The following CHD9 variants were observed in gnomAD, a reference collection of about 807,000 sequenced individuals.
The protein encoded by CHD9 is ATP-dependent chromatin remodeler CHD9.
CHD9 carries 77 observed loss-of-function variants against 316.1 expected under a neutral mutation model. The observed-to-expected ratio is 0.24, with a 90% CI of 0.20 to 0.29. CHD9 has a LOEUF of 0.29. Ranked by LOEUF, CHD9 falls within the 10% of genes least tolerant of loss-of-function variation. CHD9 has a pLI of 1.00. For missense variants in CHD9, 2,763 were observed against 3,438.1 expected (o/e 0.80, Z 4.91); for synonymous variants, 1,129 against 1,158.3 (o/e 0.97, Z 0.51).
chr16:53,225,458 A>T (rs976702503), intron 4 of CHD9, among the ~76,000 whole-genome samples: 1 of 152,214 alleles, frequency 6.6e-6, no homozygotes, highest in Non-Finnish European at 1.5e-5. Flanking sequence ...TATTGTAAAC[A>T]CCAAAAGAGA....
In CHD9 at chr16:53,286,742, C is replaced by G. The variant is rs1171512548; in HGVS notation, c.5189+399C>G. Among the ~76,000 whole-genome samples, 6 of 152,030 alleles carry G rather than the reference C, an allele frequency of 3.9e-5. No homozygotes were observed. The East Asian group carries it at 1.2e-3, about 29-fold the overall frequency. Reference sequence around the variant, plus strand: ...TGGTATTCAGGACACCCTGCAGATACCAAAATCCAAGGATGCTCTAGTCCT... The same window carrying G: ...TGGTATTCAGGACACCCTGCAGATAGCAAAATCCAAGGATGCTCTAGTCCT... On this transcript the variant is annotated intron_variant, in intron 26 of 38. Coordinates refer to ENST00000447540, the MANE Select transcript of CHD9 (RefSeq NM_001308319.2).
intron 29 of CHD9, among the ~76,000 whole-genome samples, chr16:53,294,726 C>T (rs1451872112): frequency 4.6e-5 from 7 of 152,164 alleles, no homozygotes; most frequent in African/African-American, 1.7e-4. Context: ...ACAAGGCCAG[C>T]CCAGATTTAG....
chr16:53,198,266 C>T (rs994170826), intron 2 of CHD9, among the ~76,000 whole-genome samples: 1 of 151,506 alleles, frequency 6.6e-6, no homozygotes, highest in Admixed American at 6.6e-5. Flanking sequence ...AGAGACTACA[C>T]GTCCATTGTT....
rs368216016 is a variant in CHD9, at chr16:53,324,505, C to T, written c.8304C>T (p.Asn2768=). Residue 2768 remains asparagine, a synonymous_variant, in exon 39 of 39, where the codon AAC becomes AAT. Transcript: ENST00000447540. ...ESQSSENGGE[N]SVSSSPSTSS... Reference sequence around the variant, plus strand: ...AAAGTTCAGAGAATGGTGGAGAAAACTCTGTGTCAAGTTCTCCTTCCACAT... The same window carrying T: ...AAAGTTCAGAGAATGGTGGAGAAAATTCTGTGTCAAGTTCTCCTTCCACAT... The T allele has an allele frequency of 3.9e-5, 63 of 1,613,798 alleles. No homozygotes were observed. Among genetic ancestry groups the T allele is most frequent in the Non-Finnish European group, 8.5e-7 (1 of 1,179,874 alleles).
intron 37 of CHD9, chr16:53,321,323 A>G: frequency 7.4e-7 from 1 of 1,359,100 alleles, no homozygotes. Context: ...AACATTTAAA[A>G]TTTACATTAT....
chr16:53,290,596 C>T (rs959526131), intron 27 of CHD9, among the ~76,000 whole-genome samples: 4 of 152,074 alleles, frequency 2.6e-5, no homozygotes, highest in Non-Finnish European at 4.4e-5. Context: ...CAAGGCCAGC[C>T]TGGGCAACAC....
chr16:53,313,948 G>A (rs1447491394), intron 34 of CHD9, among the ~76,000 whole-genome samples: 6 of 147,794 alleles, frequency 4.1e-5, no homozygotes, highest in East Asian at 4.0e-4. Flanking sequence ...GCAAGACTCC[G>A]TCTCCAAAAA....
At chr16:53,303,415 T>A (rs547108911) in intron 30 of CHD9, among the ~76,000 whole-genome samples, 1 of 152,234 alleles carries the variant, frequency 6.6e-6, no homozygotes, top group Admixed American at 6.5e-5. Flanking sequence ...CCCAGTTCTA[T>A]TAATGTACTT....
chr16:53,065,959 T>C (rs1221887522), intron 1 of CHD9, among the ~76,000 whole-genome samples: 1 of 152,260 alleles, frequency 6.6e-6, no homozygotes, highest in East Asian at 1.9e-4. Context: ...TAAGGACTTC[T>C]GCAAATCAGT....
intron 37 of CHD9, among the ~76,000 whole-genome samples, chr16:53,318,671 G>T (rs546504928): frequency 6.6e-6 from 1 of 152,094 alleles, no homozygotes; most frequent in African/African-American, 2.4e-5. Context: ...ATTTGTCAGC[G>T]TCTGGAGACA....
intron 5 of CHD9, among the ~76,000 whole-genome samples, chr16:53,226,954 C>T (rs1219440193): frequency 2.0e-5 from 3 of 152,126 alleles, no homozygotes; most frequent in Admixed American, 1.3e-4. Context: ...TTTATGAACA[C>T]GTTTGCCTGA....
At chr16:53,130,474 G>A (rs1353967442) in intron 1 of CHD9, among the ~76,000 whole-genome samples, 9 of 150,332 alleles carry the variant, frequency 6.0e-5, no homozygotes, top group Non-Finnish European at 1.2e-4. Flanking sequence ...ACGTGGCGGC[G>A]GGGCCGCGGG....
intron 1 of CHD9, among the ~76,000 whole-genome samples, chr16:53,138,343 T>G (rs1467478630): frequency 6.6e-6 from 1 of 152,144 alleles, no homozygotes; most frequent in African/African-American, 2.4e-5. Flanking sequence ...TGAAATCACA[T>G]TTGGAGGATA....
At chr16:53,162,174 A>C (rs910353265) in intron 2 of CHD9, among the ~76,000 whole-genome samples, 2 of 152,358 alleles carry the variant, frequency 1.3e-5, no homozygotes, top group Admixed American at 6.5e-5. Flanking sequence ...ATTTGACTCT[A>C]GAATTTTACT....
chr16:53,222,708 G>A lies in CHD9; in HGVS notation c.1849G>A (p.Asp617Asn). Residue 617 changes from aspartate to asparagine, a missense_variant, in exon 4 of 39, where the codon GAT becomes AAT. Coordinates refer to ENST00000447540, the MANE Select transcript of CHD9 (RefSeq NM_001308319.2). ...GAATGAGTCTTCAGATGAAATATCT[G>A]ATGCAGAACAGATGCCACAGCATAC... ...RKNESSDEIS[D>N]AEQMPQHTLK... 2 of 1,582,264 alleles carry A rather than the reference G, an allele frequency of 1.3e-6. No individual in the cohort carries two copies. Among genetic ancestry groups the A allele is most frequent in the Non-Finnish European group, 1.7e-6 (2 of 1,160,242 alleles).
Position 53,227,384 on chromosome 16 carries a change from T to A in CHD9, c.2044-12T>A, listed in dbSNP as rs748685691. ...ATGTGTTCTGTCATTATTTCTTTCC[T>A]CCCTCCCATAGGAGAATCCGAGTGA... is the stretch of plus-strand genomic sequence containing the variant. On this transcript the variant is annotated splice_polypyrimidine_tract_variant and intron_variant, in intron 5 of 38. Coordinates refer to ENST00000447540, the MANE Select transcript of CHD9 (RefSeq NM_001308319.2). 3 of 1,534,218 alleles carry A rather than the reference T, an allele frequency of 2.0e-6. No individual in the cohort carries two copies. The East Asian group carries it at 7.1e-5, about 36-fold the overall frequency.
chr16:53,264,022 T>C (rs969275681), intron 20 of CHD9, among the ~76,000 whole-genome samples: 1 of 151,772 alleles, frequency 6.6e-6, no homozygotes, highest in Non-Finnish European at 1.5e-5. Context: ...TAATAGGATA[T>C]CTACTTCACA....
intron 10 of CHD9, among the ~76,000 whole-genome samples, chr16:53,232,956 AAC>A (rs1394166780): frequency 2.0e-5 from 3 of 152,188 alleles, no homozygotes; most frequent in African/African-American, 7.2e-5. Flanking sequence ...CTCTCAGGGT[AAC>A]ACAACAATCA....
intron 1 of CHD9, among the ~76,000 whole-genome samples, chr16:53,143,301 A>C (rs1000130484): frequency 3.3e-5 from 5 of 151,974 alleles, no homozygotes; most frequent in Non-Finnish European, 7.4e-5. Context: ...AATACATGGC[A>C]TTAAAGCCCC....
Sources: gnomAD v4.1 joint callset for allele counts (sites outside exome capture counted in the v4.1 genomes callset) on GRCh38, gnomAD v4.1.1 for gene constraint, MANE v1.5 for transcripts, NCBI Gene and HGNC (gene_info 2026-07-23, HGNC 2026-07-21) for gene names.